The following HHLA2 variants were observed in gnomAD, a reference collection of about 807,000 sequenced individuals.
The protein encoded by HHLA2 is HERV-H LTR-associating protein 2.
Under a neutral mutation model 45.9 loss-of-function variants are expected in HHLA2, and 48 were observed. The observed-to-expected ratio is 1.05, with a 90% CI of 0.83 to 1.33. The LOEUF (loss-of-function observed/expected upper bound fraction) is 1.33, where lower values mean the gene tolerates loss of function less well. Among genes scored for constraint, HHLA2 ranks in the 40% most tolerant of loss-of-function variants. HHLA2 has a pLI of 0.00. For missense variants in HHLA2, 462 were observed against 494.3 expected, an observed-to-expected ratio of 0.93 and a Z score of 0.62; for synonymous variants, 161 against 173.9, an observed-to-expected ratio of 0.93 and a Z score of 0.59.
chr3:108,309,902 T>C (rs1158338276), intron 1 of HHLA2, among the ~76,000 whole-genome samples: 2 of 152,056 alleles, frequency 1.3e-5, no homozygotes, highest in African/African-American at 4.8e-5. Context: ...ATATATATTA[T>C]TTGAAATTAT....
At chr3:108,297,722 C>T (rs986574257) in intron 1 of HHLA2, among the ~76,000 whole-genome samples, 4 of 152,126 alleles carry the variant, frequency 2.6e-5, no homozygotes, top group African/African-American at 7.2e-5. Flanking sequence ...CTACTTTTGG[C>T]GTGTGGCCCA....
At chr3:108,377,590 C>T (rs2082296709) in exon 11 of HHLA2, 1 of 271,554 alleles carries the variant, frequency 3.7e-6, no homozygotes, top group South Asian at 9.0e-5. Context: ...ACAGTGAGCT[C>T]TCCACTAAGA....
At chr3:108,315,492 C>A (rs528839330) in intron 2 of HHLA2, among the ~76,000 whole-genome samples, 29 of 152,260 alleles carry the variant, frequency 1.9e-4, no homozygotes, top group Admixed American at 1.9e-3. Flanking sequence ...TGTGCTAAAT[C>A]CTCTTTATTA....
At chr3:108,362,763 A>G (rs945529416) in intron 8 of HHLA2, among the ~76,000 whole-genome samples, 9 of 152,048 alleles carry the variant, frequency 5.9e-5, no homozygotes, top group African/African-American at 2.2e-4. Flanking sequence ...ATTAAAGATC[A>G]TACTTTACTT....
In HHLA2 at chr3:108,358,181, G is replaced by C; in HGVS notation, c.1003+20G>C. 6.4e-7 allele frequency: 1 copy of C among 1,560,044 alleles called. No individual in the cohort carries two copies. The highest frequency in any genetic ancestry group is 8.7e-7 in the Non-Finnish European group (1 of 1,146,030). ...ATGTAGGTAAGTTGCAAGTAGGTTTGGATAATGGGTTTTGGCTGTAGCATT... is the reference window on the plus strand; with the variant it reads ...ATGTAGGTAAGTTGCAAGTAGGTTTCGATAATGGGTTTTGGCTGTAGCATT... On this transcript the variant is annotated intron_variant, in intron 7 of 10. Coordinates refer to ENST00000619531, the Ensembl canonical transcript of HHLA2.
chr3:108,366,321 G>A (rs2082062531), intron 8 of HHLA2, among the ~76,000 whole-genome samples: 1 of 152,220 alleles, frequency 6.6e-6, no homozygotes, highest in South Asian at 2.1e-4. Flanking sequence ...GCATCCCAAG[G>A]ATGAAGCCAA....
chr3:108,332,398 A>G (rs1215703473), intron 3 of HHLA2, among the ~76,000 whole-genome samples: 2 of 152,204 alleles, frequency 1.3e-5, no homozygotes, highest in African/African-American at 4.8e-5. Flanking sequence ...ATTAAAAATC[A>G]TTTCATAAAT....
chr3:108,342,918 TG>T (rs1393329297), intron 3 of HHLA2, among the ~76,000 whole-genome samples: 1 of 152,122 alleles, frequency 6.6e-6, no homozygotes, highest in Non-Finnish European at 1.5e-5. Context: ...CCACAGCACC[TG>T]GTGGGAGCCC....
At chr3:108,358,264 C>G in intron 7 of HHLA2, 103 bp downstream of exon 6, 1 of 747,444 alleles carries the variant, frequency 1.3e-6, no homozygotes, top group East Asian at 2.7e-5. Flanking sequence ...TACATTGATA[C>G]CCTCTCAAAA....
intron 3 of HHLA2, among the ~76,000 whole-genome samples, chr3:108,330,651 C>T (rs1248805844): frequency 6.6e-6 from 1 of 151,998 alleles, no homozygotes; most frequent in Non-Finnish European, 1.5e-5. Flanking sequence ...GGTCTGAGGG[C>T]CTCAGTGCTA....
chr3:108,357,867 G>C (rs1395117205), exon 7 of HHLA2: 2 of 1,609,582 alleles, frequency 1.2e-6, no homozygotes, highest in Admixed American at 3.4e-5. Flanking sequence ...AATGCAAAGT[G>C]AACACGTTTC....
exon 6 of HHLA2, chr3:108,355,294 A>G (rs755382495): frequency 6.2e-7 from 1 of 1,613,920 alleles, no homozygotes; most frequent in Non-Finnish European, 8.5e-7. Context: ...CAGCCCACTG[A>G]ATATTACAGG....
intron 3 of HHLA2, among the ~76,000 whole-genome samples, chr3:108,344,668 T>G (rs1265194108): frequency 6.6e-6 from 1 of 152,220 alleles, no homozygotes; most frequent in Non-Finnish European, 1.5e-5. Flanking sequence ...GCCTCACATG[T>G]GCACATGTTC....
chr3:108,326,015 C>A, intron 2 of HHLA2: 1 of 311,756 alleles, frequency 3.2e-6, no homozygotes, highest in East Asian at 9.0e-5. Context: ...GAAAGCAAAG[C>A]CCCTCTTCTT....
chr3:108,375,900 A>C, intron 9 of HHLA2, 100 bp downstream of exon 8: 1 of 1,458,482 alleles, frequency 6.9e-7, no homozygotes, highest in East Asian at 2.6e-5. Context: ...CACTTTAAAA[A>C]ATAGATATAT....
intron 3 of HHLA2, among the ~76,000 whole-genome samples, chr3:108,348,030 T>C (rs2081700352): frequency 6.6e-6 from 1 of 152,098 alleles, no homozygotes; most frequent in East Asian, 1.9e-4. Flanking sequence ...TTCAGAAGAA[T>C]AGTTAAACAT....
intron 3 of HHLA2, among the ~76,000 whole-genome samples, chr3:108,340,210 A>T (rs1472244875): frequency 6.6e-6 from 1 of 152,142 alleles, no homozygotes; most frequent in Non-Finnish European, 1.5e-5. Context: ...AATAGGGAGA[A>T]GTGTAGATGA....
chr3:108,317,724 A>T (rs1176662138), intron 2 of HHLA2, among the ~76,000 whole-genome samples: 1 of 151,050 alleles, frequency 6.6e-6, no homozygotes, highest in Non-Finnish European at 1.5e-5. Flanking sequence ...ACAGGCACGC[A>T]CCACCACAGC....
At chr3:108,304,391 T>C (rs1472662022) in intron 1 of HHLA2, among the ~76,000 whole-genome samples, 3 of 152,180 alleles carry the variant, frequency 2.0e-5, no homozygotes, top group Non-Finnish European at 4.4e-5. Flanking sequence ...GAATCCTTCC[T>C]TGTTCTGCCA....
Sources: allele counts gnomAD v4.1 joint callset (sites outside exome capture counted in the v4.1 genomes callset), GRCh38; gene constraint gnomAD v4.1.1; transcripts MANE v1.5; gene names NCBI Gene and HGNC (gene_info 2026-07-23, HGNC 2026-07-21).